Variants in SYN3 observed in about 807,000 individuals in gnomAD.
SYN3 encodes synapsin III, also known as synapsin-3.
A neutral mutation model predicts 65.8 loss-of-function variants in SYN3; 35 were observed. The ratio of observed to expected loss-of-function variants is 0.53; its 90% confidence interval spans 0.41 to 0.70. SYN3 has a LOEUF of 0.70. Ranked by LOEUF, SYN3 falls within the 30% of genes least tolerant of loss-of-function variation. SYN3 has a pLI of 0.00. For missense variants in SYN3, 680 were observed against 749.0 expected, an observed-to-expected ratio of 0.91 and a Z score of 1.08; for synonymous variants, 270 against 292.9, an observed-to-expected ratio of 0.92 and a Z score of 0.80.
At chr22:32,902,808 C>G (rs1792910775) in intron 4 of SYN3, among the ~76,000 whole-genome samples, 1 of 149,804 alleles carries the variant, frequency 6.7e-6, no homozygotes, top group South Asian at 2.1e-4. Flanking sequence ...TAGAGAAGAT[C>G]TGAATATGTC....
chr22:32,529,369 T>C (rs1162381090), intron 10 of SYN3, among the ~76,000 whole-genome samples: 1 of 152,150 alleles, frequency 6.6e-6, no homozygotes, highest in Non-Finnish European at 1.5e-5. Context: ...ACCTCTCCTT[T>C]GGCCCCAGGT....
intron 6 of SYN3, among the ~76,000 whole-genome samples, chr22:32,777,145 C>A (rs1202135053): frequency 6.6e-6 from 1 of 152,176 alleles, no homozygotes; most frequent in Non-Finnish European, 1.5e-5. Flanking sequence ...GCTGTAATGA[C>A]TCCTTCATTC....
chr22:32,773,824 G>A (rs2045837950), intron 6 of SYN3, among the ~76,000 whole-genome samples: 1 of 152,134 alleles, frequency 6.6e-6, no homozygotes, highest in South Asian at 2.1e-4. Context: ...TATGGGGGAG[G>A]AAAGGTTGCT....
At position 32,513,319 on chromosome 22, in the gene SYN3, G is replaced by A. The variant is rs1313572460; in HGVS notation, c.*373C>T. 3 of 189,794 alleles carry A rather than the reference G, an allele frequency of 1.6e-5. No homozygotes were observed. The highest frequency in any genetic ancestry group is 3.3e-5 in the Non-Finnish European group (3 of 91,800). The allele number at this position is 189,794 out of a possible 1,614,324, so 11.8% of individuals were successfully genotyped here. ...ATGGAGGTGGGGCAAGGCCTAGAGG[G>A]GGCCTTTGCCCAAAGGTGAGCCAAA... On this transcript the variant is annotated 3_prime_UTR_variant, in exon 14 of 14. Coordinates refer to ENST00000358763, the MANE Select transcript of SYN3 (RefSeq NM_003490.4).
chr22:32,786,504 A>G (rs1003327473), intron 6 of SYN3, among the ~76,000 whole-genome samples: 1 of 151,908 alleles, frequency 6.6e-6, no homozygotes, highest in Non-Finnish European at 1.5e-5. Context: ...CTGGGACTAC[A>G]GGTGCCCGCC....
chr22:32,553,950 GGA>G (rs1379558221), intron 7 of SYN3, among the ~76,000 whole-genome samples: 1 of 152,164 alleles, frequency 6.6e-6, no homozygotes, highest in Non-Finnish European at 1.5e-5. Flanking sequence ...AGCAGCTGAA[GGA>G]GAGACATTGC....
At chr22:32,934,995 C>T (rs1372377121) in intron 3 of SYN3, among the ~76,000 whole-genome samples, 1 of 152,144 alleles carries the variant, frequency 6.6e-6, no homozygotes, top group African/African-American at 2.4e-5. Flanking sequence ...GGAAGGTCTC[C>T]CCTGGAGCCT....
At chr22:32,567,319 A>ACCC in intron 7 of SYN3, among the ~76,000 whole-genome samples, 1 of 131,552 alleles carries the variant, frequency 7.6e-6, no homozygotes, top group Non-Finnish European at 1.6e-5. Flanking sequence ...GATGACGGAG[A>ACCC]TCCTCCCTCC....
chr22:32,518,527 G>T, intron 12 of SYN3, 193 bp from the exon 13 acceptor site: 1 of 742,274 alleles, frequency 1.3e-6, no homozygotes, highest in Non-Finnish European at 2.4e-6. Flanking sequence ...AATGGAATAT[G>T]CTGTGGTCAT....
At chr22:32,924,233 T>C (rs892526799) in intron 4 of SYN3, among the ~76,000 whole-genome samples, 10 of 152,190 alleles carry the variant, frequency 6.6e-5, no homozygotes, top group African/African-American at 2.4e-4. Context: ...AAATGGTACT[T>C]TGGAAGATTC....
chr22:32,541,445 G>A, intron 8 of SYN3, 126 bp downstream of exon 8: 2 of 1,206,348 alleles, frequency 1.7e-6, no homozygotes, highest in South Asian at 2.8e-5. Flanking sequence ...GGACAGAGAA[G>A]AAGGGCAGTA....
chr22:32,572,889 G>A (rs925158062), intron 7 of SYN3, among the ~76,000 whole-genome samples: 3 of 152,150 alleles, frequency 2.0e-5, no homozygotes, highest in African/African-American at 7.2e-5. Flanking sequence ...TTGCCACTGC[G>A]GGTGTTTGTT....
chr22:32,774,790 C>T (rs538145848), intron 6 of SYN3, among the ~76,000 whole-genome samples: 1 of 152,258 alleles, frequency 6.6e-6, no homozygotes, highest in South Asian at 2.1e-4. Context: ...GATGGGGTTT[C>T]TCCATGTTGG....
intron 6 of SYN3, among the ~76,000 whole-genome samples, chr22:32,846,767 T>G (rs1273403153): frequency 1.3e-5 from 2 of 152,322 alleles, no homozygotes; most frequent in African/African-American, 4.8e-5. Flanking sequence ...GGCACTGGGC[T>G]AAGAAAGCCA....
At chr22:32,805,374 C>T (rs977869565) in intron 6 of SYN3, among the ~76,000 whole-genome samples, 1 of 152,170 alleles carries the variant, frequency 6.6e-6, no homozygotes, top group Non-Finnish European at 1.5e-5. Flanking sequence ...TTCAAAGAAA[C>T]CAGATCCATC....
At chr22:32,596,585 G>A in intron 7 of SYN3, 89 bp downstream of exon 7, 1 of 1,373,592 alleles carries the variant, frequency 7.3e-7, no homozygotes, top group Non-Finnish European at 1.0e-6. Context: ...TGTGCTAAGG[G>A]GTTGATGGGT....
intron 6 of SYN3, among the ~76,000 whole-genome samples, chr22:32,721,877 A>C (rs2147293110): frequency 6.6e-6 from 1 of 152,322 alleles, no homozygotes; most frequent in East Asian, 1.9e-4. Context: ...GCTTTCTGAG[A>C]AGGGGACATT....
At chr22:32,903,435 C>T (rs1415206929) in intron 4 of SYN3, among the ~76,000 whole-genome samples, 3 of 152,168 alleles carry the variant, frequency 2.0e-5, no homozygotes, top group South Asian at 2.1e-4. Context: ...CAGGGAACTG[C>T]GCACACCACT....
intron 6 of SYN3, among the ~76,000 whole-genome samples, chr22:32,825,173 G>C (rs909346351): frequency 2.0e-5 from 3 of 152,256 alleles, no homozygotes. Flanking sequence ...GGGTGAGCTC[G>C]TGGGAACTGA....
Sources: allele counts gnomAD v4.1 joint callset (sites outside exome capture counted in the v4.1 genomes callset), GRCh38; gene constraint gnomAD v4.1.1; transcripts MANE v1.5; gene names NCBI Gene and HGNC (gene_info 2026-07-23, HGNC 2026-07-21).